Variants in DOCK3 observed in about 807,000 individuals in gnomAD.
DOCK3 encodes dedicator of cytokinesis 3, also known as dedicator of cytokinesis protein 3.
DOCK3 carries 60 observed loss-of-function variants against 265.6 expected under a neutral mutation model. The ratio of observed to expected loss-of-function variants is 0.23; its 90% CI spans 0.18 to 0.28. The LOEUF (loss-of-function observed/expected upper bound fraction) is 0.28. DOCK3 is among the 10% of genes least tolerant of loss of function. The pLI is 1.00. For synonymous variants in DOCK3, 881 were observed against 938.0 expected, an observed-to-expected ratio of 0.94 and a Z score of 1.11; for missense variants, 1,981 against 2,594.3, an observed-to-expected ratio of 0.76 and a Z score of 5.14.
chr3:50,887,179 A>G (rs1020761001), intron 3 of DOCK3, among the ~76,000 whole-genome samples: 2 of 152,080 alleles, frequency 1.3e-5, no homozygotes, highest in Admixed American at 1.3e-4. Flanking sequence ...GATAAAGGGG[A>G]TATCACCACC....
intron 2 of DOCK3, among the ~76,000 whole-genome samples, chr3:50,791,922 T>A (rs1209038220): frequency 1.3e-5 from 2 of 152,160 alleles, no homozygotes; most frequent in African/African-American, 2.4e-5. Context: ...GATATTTTTT[T>A]ATTCCTTGGC....
At chr3:51,099,224 G>T (rs2082986390) in intron 9 of DOCK3, among the ~76,000 whole-genome samples, 1 of 152,216 alleles carries the variant, frequency 6.6e-6, no homozygotes. Flanking sequence ...AAGCATTAAA[G>T]TGAAAGTCTT....
intron 24 of DOCK3, among the ~76,000 whole-genome samples, chr3:51,274,256 T>C (rs1434550362): frequency 6.6e-6 from 1 of 152,152 alleles, no homozygotes; most frequent in East Asian, 1.9e-4. Flanking sequence ...TGAGCAGCAA[T>C]CTAACAAGCC....
At chr3:50,841,592 A>T in intron 2 of DOCK3, 83 bp from the exon 3 acceptor site, 1 of 545,162 alleles carries the variant, frequency 1.8e-6, no homozygotes, top group African/African-American at 1.8e-5. Context: ...ATGTGCATTT[A>T]TCTATTTTTT....
chr3:51,079,747 GA>G (rs1322667681), intron 7 of DOCK3, among the ~76,000 whole-genome samples: 1 of 152,124 alleles, frequency 6.6e-6, no homozygotes, highest in East Asian at 1.9e-4. Context: ...AAACAATAGA[GA>G]ATTGGTGCTG....
At chr3:51,067,073 T>C (rs2081617538) in intron 6 of DOCK3, among the ~76,000 whole-genome samples, 1 of 152,214 alleles carries the variant, frequency 6.6e-6, no homozygotes, top group Non-Finnish European at 1.5e-5. Context: ...TTTTTATTTT[T>C]AAGTCAATGA....
rs1553618496 is a variant in DOCK3, at chr3:51,381,291, C to T, written c.5825C>T (p.Ser1942Phe). 4 of 1,613,640 alleles carry T rather than the reference C, an allele frequency of 2.5e-6. No individual in the cohort carries two copies. The highest frequency in any genetic ancestry group is 3.4e-6 in the Non-Finnish European group (4 of 1,179,888). Residue 1942 changes from serine (S) to phenylalanine (F), a missense_variant, in exon 53 of 53, where the codon TCT becomes TTT. Ser to Phe is a radical substitution (Grantham distance 155). This residue lies in a region of DOCK3 where 149 missense variants were observed against 144.7 expected (regional missense o/e 1.03). Coordinates refer to ENST00000266037, the MANE Select transcript of DOCK3 (RefSeq NM_004947.5). This position sits in a 1 kb window ranked among gnomAD's most constrained non-coding sequence, Gnocchi z 5.6. ...YLPVHYSLSE[S>F]AVLDSIKAQP... ...CCTGTCCACTACAGCCTCTCTGAGTCTGCCGTCCTGGACTCCATCAAGGCC... is the reference window on the plus strand; with the variant it reads ...CCTGTCCACTACAGCCTCTCTGAGTTTGCCGTCCTGGACTCCATCAAGGCC...
chr3:50,778,581 T>C, intron 1 of DOCK3, 94 bp from the exon 2 acceptor site: 2 of 811,402 alleles, frequency 2.5e-6, no homozygotes, highest in South Asian at 3.5e-5. Context: ...AGGGAAGGTA[T>C]ACATTTAAGA....
At chr3:51,281,860 AGTCTTCCACTTCTCCT>A (rs1285974174) in intron 27 of DOCK3, among the ~76,000 whole-genome samples, 2 of 152,020 alleles carry the variant, frequency 1.3e-5, no homozygotes, top group Non-Finnish European at 2.9e-5. Context: ...CCCAGAGAGG[AGTCTTCCACTTCTCCT>A]GTGTTGGGCA....
chr3:50,985,037 A>G (rs2077845092), intron 5 of DOCK3, among the ~76,000 whole-genome samples: 2 of 152,282 alleles, frequency 1.3e-5, no homozygotes, highest in South Asian at 4.1e-4. Context: ...ATGACTGTGT[A>G]CCCATGTAAA....
At chr3:51,015,908 GAT>G (rs757477117) in intron 5 of DOCK3, among the ~76,000 whole-genome samples, 1 of 2,116 alleles carries the variant, frequency 4.7e-4, no homozygotes, top group Non-Finnish European at 6.6e-4. Flanking sequence ...TCATATATAT[GAT>G]ATATATATCA....
intron 49 of DOCK3, among the ~76,000 whole-genome samples, chr3:51,364,883 T>C (rs1222833914): frequency 6.6e-6 from 1 of 152,260 alleles, no homozygotes; most frequent in Non-Finnish European, 1.5e-5. Context: ...TTGGTTACTG[T>C]AGCCTTGTAG....
intron 23 of DOCK3, among the ~76,000 whole-genome samples, chr3:51,265,409 T>C (rs994771452): frequency 3.3e-5 from 5 of 152,170 alleles, no homozygotes; most frequent in African/African-American, 4.8e-5. Context: ...ACAGAAAATT[T>C]CAGGCCACTA....
At chr3:51,069,619 T>C (rs2081767135) in intron 6 of DOCK3, among the ~76,000 whole-genome samples, 1 of 151,964 alleles carries the variant, frequency 6.6e-6, no homozygotes, top group Non-Finnish European at 1.5e-5. Context: ...TCTGGTTCTT[T>C]TATTCTTTCT....
intron 5 of DOCK3, among the ~76,000 whole-genome samples, chr3:50,967,188 G>A (rs1007434413): frequency 1.3e-5 from 2 of 151,852 alleles, no homozygotes; most frequent in African/African-American, 4.8e-5. Flanking sequence ...CCCACATTTT[G>A]TAGCCTCTGG....
intron 46 of DOCK3, among the ~76,000 whole-genome samples, chr3:51,360,006 T>C (rs2086616414): frequency 6.6e-6 from 1 of 152,252 alleles, no homozygotes; most frequent in African/African-American, 2.4e-5. Context: ...TATTTTTCAG[T>C]TACATACATC....
chr3:51,357,676 A>C, intron 44 of DOCK3, 82 bp from the exon 45 acceptor site: 2 of 1,406,934 alleles, frequency 1.4e-6, no homozygotes, highest in Non-Finnish European at 2.0e-6. Flanking sequence ...TTTAGGTGGC[A>C]TTAGTGGACT....
chr3:50,956,386 T>G (rs1157058183), intron 5 of DOCK3, among the ~76,000 whole-genome samples: 1 of 152,188 alleles, frequency 6.6e-6, no homozygotes, highest in Non-Finnish European at 1.5e-5. Context: ...AATTGGATGC[T>G]TTATTTTTAC....
chr3:51,333,242 T>C lies in DOCK3; in HGVS notation c.3600T>C (p.Leu1200=). 1 of 1,613,024 alleles carries C rather than the reference T, an allele frequency of 6.2e-7. No homozygotes were observed. Among genetic ancestry groups the C allele is most frequent in the Non-Finnish European group, 8.5e-7 (1 of 1,179,870 alleles). Residue 1200 remains leucine (L), a synonymous_variant, in exon 35 of 53, where the codon CTT becomes CTC. Transcript: ENST00000266037. ...CAGTCACCCGCCTCATGGAACGTCT[T>C]CTTGACTACAGGTATCTTCTCAGCC... ...VTSVTRLMER[L]LDYRDCMKGE... is the part of the protein sequence containing the mutation.
Sources: gnomAD v4.1 joint callset for allele counts (sites outside exome capture counted in the v4.1 genomes callset) on GRCh38, gnomAD v4.1.1 for gene constraint, gnomAD v4.1.1 regional missense constraint, Gnocchi (gnomAD v3.1) non-coding constraint, MANE v1.5 for transcripts, NCBI Gene and HGNC (gene_info 2026-07-23, HGNC 2026-07-21) for gene names.